FOXO3: variants seen among roughly 807,000 people sequenced by gnomAD.
FOXO3 encodes the protein forkhead box protein O3.
A neutral mutation model predicts 41.9 loss-of-function variants in FOXO3; 4 were observed. That is an observed-to-expected ratio of 0.10 (90% CI 0.05 to 0.22). The LOEUF (loss-of-function observed/expected upper bound fraction) is 0.22, where lower values mean the gene tolerates loss of function less well. Ranked by LOEUF, FOXO3 falls within the 10% of genes least tolerant of loss-of-function variation. The probability of loss-of-function intolerance (pLI) is 1.00; values close to 1 mark genes in which losing one functional copy is unlikely to be tolerated. For synonymous variants in FOXO3, 318 were observed against 389.3 expected, an observed-to-expected ratio of 0.82 and a Z score of 2.16; for missense variants, 534 against 906.8, an observed-to-expected ratio of 0.59 and a Z score of 5.28.
intron 1 of FOXO3, among the ~76,000 whole-genome samples, chr6:108,591,948 A>G (rs182457061): frequency 1.6e-4 from 24 of 152,346 alleles, no homozygotes; most frequent in Admixed American, 1.4e-3. Context: ...CTGCTCTACA[A>G]TAAGAAGGAA....
intron 1 of FOXO3, among the ~76,000 whole-genome samples, chr6:108,623,674 T>C (rs1488603550): frequency 6.6e-6 from 1 of 152,234 alleles, no homozygotes; most frequent in Non-Finnish European, 1.5e-5. Context: ...ATGAAGTATA[T>C]ACCAGTTTGT....
intron 1 of FOXO3, among the ~76,000 whole-genome samples, chr6:108,596,727 A>T (rs2128364980): frequency 6.6e-6 from 1 of 152,276 alleles, no homozygotes; most frequent in South Asian, 2.1e-4. Flanking sequence ...TCTGTGGTTT[A>T]AAAAAAGGAT....
intron 1 of FOXO3, among the ~76,000 whole-genome samples, chr6:108,648,476 G>A (rs751193485): frequency 8.5e-5 from 13 of 152,172 alleles, no homozygotes; most frequent in Non-Finnish European, 1.9e-4. Context: ...GTTTATTGTC[G>A]TAAAGCCTTA....
chr6:108,573,722 A>G (rs1776176435), intron 1 of FOXO3, among the ~76,000 whole-genome samples: 1 of 150,244 alleles, frequency 6.7e-6, no homozygotes, highest in Admixed American at 6.6e-5. Flanking sequence ...CCAGCTACTC[A>G]GGAGGCTGAA....
At chr6:108,619,913 C>A (rs1361754032) in intron 1 of FOXO3, among the ~76,000 whole-genome samples, 1 of 152,166 alleles carries the variant, frequency 6.6e-6, no homozygotes, top group Non-Finnish European at 1.5e-5. Context: ...GCAAATCAGT[C>A]TTCTGTACAT....
At chr6:108,650,868 T>C (rs1778530442) in intron 1 of FOXO3, among the ~76,000 whole-genome samples, 1 of 152,208 alleles carries the variant, frequency 6.6e-6, no homozygotes. Context: ...TGCTCATCTG[T>C]GTGTGTAATT....
chr6:108,578,251 A>G (rs996651164), intron 1 of FOXO3, among the ~76,000 whole-genome samples: 1 of 152,194 alleles, frequency 6.6e-6, no homozygotes, highest in Non-Finnish European at 1.5e-5. Context: ...CTCTTTAACA[A>G]GCCCTCCAGG....
chr6:108,562,405 T>A (rs1332582289), intron 1 of FOXO3, among the ~76,000 whole-genome samples: 1 of 152,098 alleles, frequency 6.6e-6, no homozygotes, highest in Admixed American at 6.5e-5. Context: ...GCAAACCTTT[T>A]CCTGGACGGC....
At chr6:108,654,497 C>T (rs1778632129) in intron 1 of FOXO3, among the ~76,000 whole-genome samples, 2 of 152,020 alleles carry the variant, frequency 1.3e-5, no homozygotes, top group African/African-American at 4.8e-5. Context: ...CCTCATATGT[C>T]TCATTTTGTT....
chr6:108,561,904 C>T, intron 1 of FOXO3, 75 bp downstream of exon 1: 6 of 1,474,252 alleles, frequency 4.1e-6, no homozygotes, highest in Non-Finnish European at 5.4e-6. Flanking sequence ...TCGGATTCGT[C>T]GGAGTGCGCT....
intron 1 of FOXO3, among the ~76,000 whole-genome samples, chr6:108,565,094 T>C (rs1385481806): frequency 6.6e-6 from 1 of 152,196 alleles, no homozygotes; most frequent in African/African-American, 2.4e-5. Context: ...TCTAAAAACA[T>C]CTTGCTTATT....
At chr6:108,678,997 G>T (rs1194990265) in intron 2 of FOXO3, among the ~76,000 whole-genome samples, 2 of 146,570 alleles carry the variant, frequency 1.4e-5, no homozygotes, top group Admixed American at 1.4e-4. Flanking sequence ...TCAGCCTCCC[G>T]AGTAGCTGGG....
Position 108,646,720 on chromosome 6 carries a change from G to A in FOXO3, c.622-16735G>A, listed in dbSNP as rs139989251. On this transcript the variant is annotated intron_variant, in intron 1 of 2. Transcript: ENST00000406360. ...TGGGAAACCTGGGAAAAGAGAATGT[G>A]TACTTCTTTAGTGCTGGAAGAATGT... is the stretch of plus-strand genomic sequence containing the variant. Among the ~76,000 whole-genome samples, 386 of 152,312 alleles carry A rather than the reference G, an allele frequency of 2.5e-3. 3 individuals are homozygous for A. The highest frequency in any genetic ancestry group is 9.0e-3 in the African/African-American group (372 of 41,556).
At chr6:108,620,736 T>A (rs946855036) in intron 1 of FOXO3, among the ~76,000 whole-genome samples, 1 of 152,216 alleles carries the variant, frequency 6.6e-6, no homozygotes, top group Non-Finnish European at 1.5e-5. Flanking sequence ...TATGAAAAGA[T>A]TTCAAGTTGT....
chr6:108,642,587 T>G (rs1778289509), intron 1 of FOXO3, among the ~76,000 whole-genome samples: 1 of 152,144 alleles, frequency 6.6e-6, no homozygotes, highest in African/African-American at 2.4e-5. Flanking sequence ...TTTTTCTGCT[T>G]CTCCACACTT....
intron 1 of FOXO3, among the ~76,000 whole-genome samples, chr6:108,625,868 A>G (rs1432415056): frequency 6.6e-6 from 1 of 152,190 alleles, no homozygotes; most frequent in Non-Finnish European, 1.5e-5. Flanking sequence ...GCCTCCCACC[A>G]CAGGTCCTCA....
chr6:108,663,098 C>T (rs1424729223), intron 1 of FOXO3, among the ~76,000 whole-genome samples: 1 of 152,166 alleles, frequency 6.6e-6, no homozygotes, highest in Non-Finnish European at 1.5e-5. Flanking sequence ...AGTTGGCCAG[C>T]ACGGTGGCTC....
At chr6:108,627,155 T>C (rs1430122309) in intron 1 of FOXO3, among the ~76,000 whole-genome samples, 1 of 152,232 alleles carries the variant, frequency 6.6e-6, no homozygotes, top group Non-Finnish European at 1.5e-5. Context: ...TCTGATCTTA[T>C]GTGAGACCAT....
chr6:108,628,940 A>G lies in FOXO3; in HGVS notation c.622-34515A>G, dbSNP rs146174021. 5.4e-3 allele frequency among the ~76,000 whole-genome samples: 819 copies of G among 152,020 alleles called. 2 individuals carry two copies. The highest frequency in any genetic ancestry group is 0.014 in the Middle Eastern group (4 of 294). On this transcript the variant is annotated intron_variant, in intron 1 of 2. Transcript: ENST00000406360. ...AGGCATGGACAGTCTTTTTTTGCGA[A>G]GTGTCATGTAGCAACAGAGTTTGGG...
Sources: allele counts gnomAD v4.1 joint callset (sites outside exome capture counted in the v4.1 genomes callset), GRCh38; gene constraint gnomAD v4.1.1; transcripts MANE v1.5; gene names NCBI Gene and HGNC (gene_info 2026-07-23, HGNC 2026-07-21).